LRRC4C: variants seen among roughly 807,000 people sequenced by gnomAD.
LRRC4C encodes leucine rich repeat containing 4C.
LRRC4C carries 5 observed loss-of-function variants against 33.6 expected under a neutral mutation model. That is an observed-to-expected ratio of 0.15 (90% CI 0.08 to 0.31). The LOEUF (loss-of-function observed/expected upper bound fraction) is 0.31, where lower values mean the gene tolerates loss of function less well. Ranked by LOEUF, LRRC4C falls within the 10% of genes least tolerant of loss-of-function variation. The probability of loss-of-function intolerance (pLI) is 1.00; values close to 1 mark genes in which losing one functional copy is unlikely to be tolerated. For missense variants in LRRC4C, 560 were observed against 796.7 expected, an observed-to-expected ratio of 0.70 and a Z score of 3.58; for synonymous variants, 329 against 302.0, an observed-to-expected ratio of 1.09 and a Z score of -0.93.
At chr11:40,999,265 C>G (rs1854194601) in intron 1 of LRRC4C, among the ~76,000 whole-genome samples, 1 of 151,762 alleles carries the variant, frequency 6.6e-6, no homozygotes, top group South Asian at 2.1e-4. Context: ...TGTCTAGCCC[C>G]CACCTCTGTA....
At chr11:40,993,601 T>C (rs1853748228) in intron 1 of LRRC4C, among the ~76,000 whole-genome samples, 1 of 152,192 alleles carries the variant, frequency 6.6e-6, no homozygotes, top group Admixed American at 6.5e-5. Context: ...GTTAAAAATT[T>C]CAGGTTTGAA....
chr11:41,388,875 G>A (rs1024385822), intron 1 of LRRC4C, among the ~76,000 whole-genome samples: 3 of 151,732 alleles, frequency 2.0e-5, no homozygotes, highest in Non-Finnish European at 1.5e-5. Context: ...TGCATCCACA[G>A]TTGTAATATG....
At chr11:40,873,536 G>C (rs1048854915) in intron 2 of LRRC4C, among the ~76,000 whole-genome samples, 1 of 152,126 alleles carries the variant, frequency 6.6e-6, no homozygotes, top group Non-Finnish European at 1.5e-5. Flanking sequence ...TTACTGTAAG[G>C]GGTAAGACGT....
chr11:41,448,796 T>C (rs1337220726), intron 1 of LRRC4C, among the ~76,000 whole-genome samples: 1 of 152,180 alleles, frequency 6.6e-6, no homozygotes, highest in Non-Finnish European at 1.5e-5. Context: ...TATTTAACCA[T>C]CTTTAAAATT....
chr11:40,922,234 T>C (rs781397149), intron 2 of LRRC4C, among the ~76,000 whole-genome samples: 2 of 152,168 alleles, frequency 1.3e-5, no homozygotes, highest in African/African-American at 2.4e-5. Context: ...TTTAGATTTT[T>C]AGAGTAGAGG....
intron 3 of LRRC4C, among the ~76,000 whole-genome samples, chr11:40,326,974 A>G (rs1946134136): frequency 6.6e-6 from 1 of 152,240 alleles, no homozygotes; most frequent in Non-Finnish European, 1.5e-5. Context: ...AGAAATGTAG[A>G]CTGGTTTTGA....
At chr11:40,996,055 A>G (rs939981663) in intron 1 of LRRC4C, among the ~76,000 whole-genome samples, 2 of 152,206 alleles carry the variant, frequency 1.3e-5, no homozygotes, top group Non-Finnish European at 2.9e-5. Flanking sequence ...TGAGATTTCC[A>G]CAATAGGAAT....
chr11:40,138,933 T>G (rs1857169387), intron 6 of LRRC4C, among the ~76,000 whole-genome samples: 1 of 152,202 alleles, frequency 6.6e-6, no homozygotes, highest in South Asian at 2.1e-4. Context: ...GAGTTCCTTC[T>G]TACCAACATG....
chr11:40,484,170 ATAC>A (rs1248683034), intron 3 of LRRC4C, among the ~76,000 whole-genome samples: 2 of 152,146 alleles, frequency 1.3e-5, no homozygotes, highest in Non-Finnish European at 2.9e-5. Flanking sequence ...TCTAACAGAA[ATAC>A]TTTATTCCTT....
chr11:40,473,755 T>C lies in LRRC4C; in HGVS notation c.-269-154034A>G, dbSNP rs575921962. Among the ~76,000 whole-genome samples, 67 of 152,246 alleles carry C rather than the reference T, an allele frequency of 4.4e-4. 1 individual carries two copies. Among genetic ancestry groups the C allele is most frequent in the African/African-American group, 1.5e-3 (64 of 41,544 alleles). The stretch of plus-strand genomic sequence containing the variant: ...AAGCTGCCAAGCAACTTCAGCAAAG[T>C]CTCAGGATGCAAAATCAATGGACAA... On this transcript the variant is annotated intron_variant, in intron 3 of 6. Coordinates refer to ENST00000528697, the MANE Select transcript of LRRC4C (RefSeq NM_001258419.2).
At chr11:40,282,786 G>A (rs575638033) in intron 4 of LRRC4C, among the ~76,000 whole-genome samples, 156 of 152,282 alleles carry the variant, frequency 1.0e-3, no homozygotes, top group African/African-American at 3.4e-3. Context: ...GGAGAGAAAG[G>A]AGGAAATAAC....
intron 2 of LRRC4C, among the ~76,000 whole-genome samples, chr11:40,870,458 AG>A (rs1398206290): frequency 6.6e-6 from 1 of 152,198 alleles, no homozygotes; most frequent in African/African-American, 2.4e-5. Flanking sequence ...GGGCTGTTGC[AG>A]GACGTCAGGA....
chr11:40,282,376 C>A (rs1048876067), intron 4 of LRRC4C, among the ~76,000 whole-genome samples: 15 of 151,870 alleles, frequency 9.9e-5, no homozygotes, highest in Non-Finnish European at 1.5e-4. Context: ...AACAAAAAAA[C>A]CCCAAAAACT....
At chr11:40,370,974 C>A (rs1590486608) in intron 3 of LRRC4C, among the ~76,000 whole-genome samples, 2 of 152,086 alleles carry the variant, frequency 1.3e-5, no homozygotes, top group African/African-American at 4.8e-5. Flanking sequence ...TGAAATGAGT[C>A]ATATTTAATT....
chr11:40,381,275 T>C (rs980454286), intron 3 of LRRC4C, among the ~76,000 whole-genome samples: 3 of 150,086 alleles, frequency 2.0e-5, no homozygotes, highest in South Asian at 2.1e-4. Flanking sequence ...AATGCAACGG[T>C]GGGGTCAATC....
intron 2 of LRRC4C, among the ~76,000 whole-genome samples, chr11:40,747,561 A>G (rs11036061): frequency 0.58 from 88,015 of 151,858 alleles, 26,341 homozygotes; most frequent in Non-Finnish European, 0.66. Context: ...ACAGAGCACA[A>G]TAAAAAATAA....
intron 1 of LRRC4C, among the ~76,000 whole-genome samples, chr11:40,960,568 C>A (rs1592194899): frequency 6.6e-6 from 1 of 151,676 alleles, no homozygotes; most frequent in Non-Finnish European, 1.5e-5. Context: ...GACTGTATCT[C>A]AGTTCTTACT....
intron 2 of LRRC4C, among the ~76,000 whole-genome samples, chr11:40,866,069 A>C (rs991548595): frequency 6.6e-6 from 1 of 151,908 alleles, no homozygotes; most frequent in African/African-American, 2.4e-5. Flanking sequence ...AATCCTTGCC[A>C]ATTGGGTCAG....
chr11:41,183,385 A>T (rs954170817), intron 1 of LRRC4C, among the ~76,000 whole-genome samples: 13 of 151,376 alleles, frequency 8.6e-5, no homozygotes, highest in African/African-American at 3.1e-4. Flanking sequence ...GAGGTGGGGC[A>T]TTGGGTAAAT....
Sources: gnomAD v4.1 joint callset for allele counts (sites outside exome capture counted in the v4.1 genomes callset) on GRCh38, gnomAD v4.1.1 for gene constraint, MANE v1.5 for transcripts, NCBI Gene and HGNC (gene_info 2026-07-23, HGNC 2026-07-21) for gene names.